The following ANKRD30A variants were observed in gnomAD, a reference collection of about 807,000 sequenced individuals.
ANKRD30A encodes the protein ankyrin repeat domain 30A, also known as ankyrin repeat domain-containing protein 30A.
In ANKRD30A, 170 loss-of-function variants were observed where a neutral mutation model predicts 166.3. The observed-to-expected ratio is 1.02, with a 90% CI of 0.90 to 1.16. The LOEUF (loss-of-function observed/expected upper bound fraction) is 1.16. ANKRD30A is among the 50% of genes most tolerant of loss of function. The pLI, the probability that ANKRD30A is intolerant of heterozygous loss-of-function variation, is 0.00. For synonymous variants in ANKRD30A, 564 were observed against 508.9 expected (o/e 1.11, Z -1.46); for missense variants, 1,630 against 1,518.0 (o/e 1.07, Z -1.23).
At chr10:37,217,988 A>C in intron 33 of ANKRD30A, 110 bp downstream of exon 33, 1 of 709,290 alleles carries the variant, frequency 1.4e-6, no homozygotes, top group Non-Finnish European at 2.1e-6. Flanking sequence ...TCAAACAAAA[A>C]TGTTGTCTTA....
intron 7 of ANKRD30A, among the ~76,000 whole-genome samples, chr10:37,144,592 A>G (rs954644714): frequency 1.3e-5 from 2 of 152,194 alleles, no homozygotes; most frequent in African/African-American, 4.8e-5. Context: ...TTGAAGAACC[A>G]TATAATAAAG....
intron 21 of ANKRD30A, among the ~76,000 whole-genome samples, chr10:37,171,497 C>G (rs1839559853): frequency 6.6e-6 from 1 of 151,382 alleles, no homozygotes; most frequent in Admixed American, 6.6e-5. Flanking sequence ...TTAGTTTACA[C>G]TTTTTAGAAA....
the ANKRD30A span, among the ~76,000 whole-genome samples, chr10:37,247,846 T>C: frequency 4.2e-5 from 6 of 143,604 alleles, no homozygotes; most frequent in East Asian, 4.1e-4. Context: ...CGTGCCACTG[T>C]ACTCCAGCCT....
chr10:37,210,018 G>A (rs958526878), intron 31 of ANKRD30A, among the ~76,000 whole-genome samples: 2 of 152,016 alleles, frequency 1.3e-5, no homozygotes, highest in African/African-American at 2.4e-5. Context: ...GAACATGTGG[G>A]TTTGTTACAT....
chr10:37,133,401 T>C (rs1475136298), intron 4 of ANKRD30A, among the ~76,000 whole-genome samples: 1 of 152,192 alleles, frequency 6.6e-6, no homozygotes, highest in Admixed American at 6.5e-5. Context: ...AAAAGGAGAA[T>C]AATAATATGT....
At chr10:37,224,498 TG>T (rs1843046103) in intron 34 of ANKRD30A, among the ~76,000 whole-genome samples, 1 of 150,730 alleles carries the variant, frequency 6.6e-6, no homozygotes, top group Non-Finnish European at 1.5e-5. Flanking sequence ...ATATATTATA[TG>T]TATATACATA....
chr10:37,200,972 T>G (rs1345178251), intron 30 of ANKRD30A, among the ~76,000 whole-genome samples: 4 of 152,064 alleles, frequency 2.6e-5, no homozygotes, highest in Admixed American at 2.6e-4. Context: ...ATATGCACGA[T>G]TGAATTTTTT....
chr10:37,219,708 G>T lies in ANKRD30A; in HGVS notation c.3996G>T (p.Trp1332Cys). Reference sequence around the variant, plus strand: ...TTCAACTACAAAGCAAAAATATGTGGCTTCAACAGCAATTAGTTCATGCAC... The same window carrying T: ...TTCAACTACAAAGCAAAAATATGTGTCTTCAACAGCAATTAGTTCATGCAC... Reference protein sequence around the residue: ...KLFQLQSKNMWLQQQLVHAHK... With the variant: ...KLFQLQSKNMCLQQQLVHAHK... Residue 1332 changes from tryptophan (W) to cysteine (C), a missense_variant, in exon 34 of 36, where the codon TGG (tryptophan) becomes TGT (cysteine). Physicochemically the swap from Trp to Cys is radical, Grantham distance 215. Around this residue, in one of 4 missense-constraint regions of ANKRD30A, gnomAD observed 712 missense variants for 629.3 expected, o/e 1.13. Coordinates refer to ENST00000361713, the MANE Select transcript of ANKRD30A (RefSeq NM_052997.3). The T allele has an allele frequency of 6.2e-7, 1 of 1,609,072 alleles. No homozygotes were observed.
At chr10:37,221,655 G>A (rs761240641) in intron 34 of ANKRD30A, among the ~76,000 whole-genome samples, 4 of 151,168 alleles carry the variant, frequency 2.6e-5, no homozygotes, top group Admixed American at 2.0e-4. Flanking sequence ...ATTCTGTAAT[G>A]TTTTTCTTAT....
intron 1 of ANKRD30A, among the ~76,000 whole-genome samples, chr10:37,127,550 C>T (rs1179318418): frequency 3.9e-5 from 6 of 152,016 alleles, no homozygotes; most frequent in Non-Finnish European, 1.5e-5. Flanking sequence ...AAAATCTTCG[C>T]TTTATAGAGA....
rs960775757 is a variant in ANKRD30A, at chr10:37,142,230, G to A, written c.1333G>A (p.Gly445Arg). The A allele has an allele frequency of 2.5e-6, 4 of 1,609,118 alleles. No homozygotes were observed. Among genetic ancestry groups the A allele is most frequent in the African/African-American group, 2.7e-5 (2 of 74,510 alleles). The change falls in exon 7 of 36, where the codon GGA becomes AGA. Residue 445 changes from glycine to arginine, a missense_variant. Gly to Arg is a moderately radical substitution (Grantham distance 125). Coordinates refer to ENST00000361713, the MANE Select transcript of ANKRD30A (RefSeq NM_052997.3). ...TSNKTKVLEK[G>R]RSKMIACPTK... ...TAATAAAACTAAAGTTTTGGAAAAA[G>A]GAAGATCTAAGATGATTGCATGTCC...
At chr10:37,193,709 T>C (rs368802120) in intron 27 of ANKRD30A, among the ~76,000 whole-genome samples, 2 of 151,960 alleles carry the variant, frequency 1.3e-5, no homozygotes, top group Non-Finnish European at 2.9e-5. Context: ...GACTGTGTGT[T>C]TGTGTGACTT....
At chr10:37,151,338 C>T (rs147695162) in intron 11 of ANKRD30A, among the ~76,000 whole-genome samples, 85 of 152,138 alleles carry the variant, frequency 5.6e-4, no homozygotes, top group African/African-American at 2.0e-3. Context: ...CATGTGGGAA[C>T]GTTAGATTAC....
intron 4 of ANKRD30A, 136 bp from the exon 5 acceptor site, chr10:37,133,780 G>T: frequency 9.6e-7 from 1 of 1,040,590 alleles, no homozygotes; most frequent in Non-Finnish European, 1.4e-6. Flanking sequence ...CCTTGGTGGT[G>T]ATTTACAAGG....
chr10:37,217,803 A>T lies in ANKRD30A; in HGVS notation c.3192A>T (p.Glu1064Asp). 6.2e-7 allele frequency: 1 copy of T among 1,600,788 alleles called. No individual in the cohort carries two copies. Among genetic ancestry groups the T allele is most frequent in the Non-Finnish European group, 8.5e-7 (1 of 1,172,844 alleles). The change falls in exon 33 of 36, where the codon GAA becomes GAT. Residue 1064 changes from glutamate to aspartate, a missense_variant. Coordinates refer to ENST00000361713, the MANE Select transcript of ANKRD30A (RefSeq NM_052997.3). Reference sequence around the variant, plus strand: ...AAGAGCAGCATAGGAAAGAGTTAGAAGTGAAACAACAACTTGAACAGGCTC... The same window carrying T: ...AAGAGCAGCATAGGAAAGAGTTAGATGTGAAACAACAACTTGAACAGGCTC... ...RIEEQHRKEL[E>D]VKQQLEQALR...
intron 25 of ANKRD30A, among the ~76,000 whole-genome samples, chr10:37,189,825 A>G (rs191789858): frequency 6.6e-6 from 1 of 151,218 alleles, no homozygotes; most frequent in African/African-American, 2.4e-5. Flanking sequence ...AGAAAGTAGT[A>G]ATAGAGTAAA....
chr10:37,153,665 A>C lies in ANKRD30A; in HGVS notation c.1798+3A>C, dbSNP rs1588806969. The stretch of plus-strand genomic sequence containing the variant: ...TAAAATAAATGGAAAATTAGAAGGT[A>C]AGAACCGTTTTTTATTTAAAAATCA... On this transcript the variant is annotated splice_donor_region_variant and intron_variant, in intron 13 of 35. Coordinates refer to ENST00000361713, the MANE Select transcript of ANKRD30A (RefSeq NM_052997.3). 2.5e-6 allele frequency: 4 copies of C among 1,610,878 alleles called. No individual in the cohort carries two copies. In the Admixed American group the frequency reaches 6.7e-5, roughly 27 times the overall value.
At chr10:37,198,291 A>G (rs749356214) in intron 29 of ANKRD30A, among the ~76,000 whole-genome samples, 1 of 152,066 alleles carries the variant, frequency 6.6e-6, no homozygotes, top group Non-Finnish European at 1.5e-5. Flanking sequence ...GTTCGGCAAC[A>G]TTCGTTTTTG....
chr10:37,197,280 G>T lies in ANKRD30A; in HGVS notation c.2615-1G>T, dbSNP rs753433844. ...GATGATAAATCTCTTTTGCTTTTTA[G>T]AGCCTCCCGAGAAGCCATCTGCCTT... On this transcript the variant is annotated splice_acceptor_variant, in intron 27 of 35. Coordinates refer to ENST00000361713, the MANE Select transcript of ANKRD30A (RefSeq NM_052997.3). LOFTEE classifies it high-confidence loss of function. 2 of 1,612,984 alleles carry T rather than the reference G, an allele frequency of 1.2e-6. No homozygotes were observed. The highest frequency in any genetic ancestry group is 1.1e-5 in the South Asian group (1 of 90,970).
Sources: allele counts gnomAD v4.1 joint callset (sites outside exome capture counted in the v4.1 genomes callset), GRCh38; gene constraint gnomAD v4.1.1; regional missense constraint gnomAD v4.1.1; transcripts MANE v1.5; gene names NCBI Gene and HGNC (gene_info 2026-07-23, HGNC 2026-07-21).